The following ZMYM4 variants were observed in gnomAD, a reference collection of about 807,000 sequenced individuals.
ZMYM4 encodes zinc finger MYM-type containing 4.
In ZMYM4, 31 loss-of-function variants were observed where a neutral mutation model predicts 183.2. The ratio of observed to expected loss-of-function variants is 0.17; its 90% CI spans 0.13 to 0.23. ZMYM4 has a LOEUF of 0.23. Ranked by LOEUF, ZMYM4 falls within the 10% of genes least tolerant of loss-of-function variation. The pLI, the probability that ZMYM4 is intolerant of heterozygous loss-of-function variation, is 1.00. For synonymous variants in ZMYM4, 592 were observed against 631.2 expected (o/e 0.94, Z 0.93); for missense variants, 1,273 against 1,840.3 (o/e 0.69, Z 5.64).
intron 2 of ZMYM4, among the ~76,000 whole-genome samples, chr1:35,357,914 T>C (rs1643868868): frequency 6.6e-6 from 1 of 152,104 alleles, no homozygotes; most frequent in Admixed American, 6.6e-5. Flanking sequence ...AAGCTAACAT[T>C]GAAGCCATGT....
chr1:35,344,615 T>C (rs2148868395), intron 2 of ZMYM4, among the ~76,000 whole-genome samples: 1 of 152,262 alleles, frequency 6.6e-6, no homozygotes, highest in African/African-American at 2.4e-5. Context: ...TTTTTTCCTT[T>C]AATGTGTTAA....
At chr1:35,277,294 G>A (rs1238809647) in intron 1 of ZMYM4, among the ~76,000 whole-genome samples, 1 of 152,114 alleles carries the variant, frequency 6.6e-6, no homozygotes, top group Admixed American at 6.5e-5. Flanking sequence ...GATGAGTTTA[G>A]GTTCAGTTTC....
chr1:35,319,865 T>C lies in ZMYM4; in HGVS notation c.40-5495T>C, dbSNP rs149665013. Among the ~76,000 whole-genome samples, 366 of 152,316 alleles carry C rather than the reference T, an allele frequency of 2.4e-3. 2 individuals carry two copies. Among genetic ancestry groups the C allele is most frequent in the African/African-American group, 7.8e-3 (325 of 41,562 alleles). On this transcript the variant is annotated intron_variant, in intron 1 of 29. Transcript: ENST00000314607. The stretch of plus-strand genomic sequence containing the variant: ...ACTTCAGTGGAAACTTTGGGAGTTT[T>C]GGAAAATTTAAAGTACACTCTATGG...
At chr1:35,285,113 G>C (rs891818707) in intron 1 of ZMYM4, among the ~76,000 whole-genome samples, 9 of 152,014 alleles carry the variant, frequency 5.9e-5, no homozygotes, top group African/African-American at 2.2e-4. Flanking sequence ...TTAGGAAGTA[G>C]GAGTCCTCAA....
Position 35,385,554 on chromosome 1 carries a change from G to A in ZMYM4, c.1682G>A (p.Cys561Tyr). The change falls in exon 10 of 30, where the codon TGC becomes TAC. Residue 561 changes from cysteine (C) to tyrosine (Y), a missense_variant. Around this residue, in one of 6 missense-constraint regions of ZMYM4, gnomAD observed 319 missense variants for 518.1 expected, o/e 0.62. Coordinates refer to ENST00000314607, the MANE Select transcript of ZMYM4 (RefSeq NM_005095.3). ...GKTELFCSVN[C>Y]LSAYRVKMVT... is the part of the protein sequence containing the mutation. ...ACAGAGCTTTTCTGTTCTGTTAATTGCTTATCTGCTTACAGAGTTAAAATG... is the reference window on the plus strand; with the variant it reads ...ACAGAGCTTTTCTGTTCTGTTAATTACTTATCTGCTTACAGAGTTAAAATG... The A allele has an allele frequency of 6.2e-7, 1 of 1,611,634 alleles. No individual in the cohort carries two copies. The highest frequency in any genetic ancestry group is 8.5e-7 in the Non-Finnish European group (1 of 1,179,386).
chr1:35,373,829 G>A (rs112124558), intron 7 of ZMYM4, among the ~76,000 whole-genome samples: 21 of 151,786 alleles, frequency 1.4e-4, no homozygotes, highest in African/African-American at 5.1e-4. Flanking sequence ...GAGCCACCGC[G>A]CCCAGCCCAA....
At chr1:35,286,969 A>G (rs1640533579) in intron 1 of ZMYM4, among the ~76,000 whole-genome samples, 1 of 150,912 alleles carries the variant, frequency 6.6e-6, no homozygotes, top group Admixed American at 6.6e-5. Flanking sequence ...CTTTAGGAAC[A>G]CTGAAATGAT....
chr1:35,402,077 A>C (rs1644919537), intron 23 of ZMYM4, among the ~76,000 whole-genome samples: 1 of 150,026 alleles, frequency 6.7e-6, no homozygotes, highest in East Asian at 2.0e-4. Context: ...TGTCATTTGC[A>C]TGTCTATATA....
chr1:35,330,902 G>A (rs1365471116), intron 2 of ZMYM4, among the ~76,000 whole-genome samples: 1 of 152,168 alleles, frequency 6.6e-6, no homozygotes, highest in African/African-American at 2.4e-5. Context: ...ATGAAATAGT[G>A]GAGTAATTTA....
chr1:35,403,758 AT>A, intron 23 of ZMYM4, among the ~76,000 whole-genome samples: 1 of 152,146 alleles, frequency 6.6e-6, no homozygotes, highest in South Asian at 2.1e-4. Flanking sequence ...CTATGATAGA[AT>A]TTGTATAATT....
intron 1 of ZMYM4, among the ~76,000 whole-genome samples, chr1:35,321,381 A>G (rs1642275405): frequency 6.6e-6 from 1 of 152,236 alleles, no homozygotes; most frequent in South Asian, 2.1e-4. Flanking sequence ...CACTGTGCAC[A>G]GTGACCCAGA....
chr1:35,378,997 C>T (rs1644393730), intron 7 of ZMYM4, among the ~76,000 whole-genome samples: 1 of 152,182 alleles, frequency 6.6e-6, no homozygotes, highest in Non-Finnish European at 1.5e-5. Context: ...TAGGGCCTTG[C>T]TCTGGATTAG....
At chr1:35,390,401 T>G (rs1335091622) in intron 15 of ZMYM4, among the ~76,000 whole-genome samples, 1 of 150,994 alleles carries the variant, frequency 6.6e-6, no homozygotes, top group East Asian at 1.9e-4. Flanking sequence ...TTTATAAGAT[T>G]TGGGTAGGTA....
chr1:35,354,903 T>C (rs1003194884), intron 2 of ZMYM4, among the ~76,000 whole-genome samples: 5 of 152,004 alleles, frequency 3.3e-5, no homozygotes, highest in Admixed American at 3.3e-4. Flanking sequence ...AAGGGCCAGA[T>C]GGTAAATATT....
intron 5 of ZMYM4, among the ~76,000 whole-genome samples, chr1:35,365,239 CT>C (rs746304675): frequency 0.033 from 2,816 of 85,312 alleles, 58 homozygotes; most frequent in African/African-American, 0.1. Flanking sequence ...TAATCAAAGT[CT>C]TTTTTTTTTT....
chr1:35,285,200 ATT>A (rs1391499046), intron 1 of ZMYM4, among the ~76,000 whole-genome samples: 2 of 151,778 alleles, frequency 1.3e-5, no homozygotes, highest in African/African-American at 4.8e-5. Context: ...GTTTTTTCCT[ATT>A]TCTGAAAAAA....
intron 2 of ZMYM4, among the ~76,000 whole-genome samples, chr1:35,338,386 C>T (rs927806749): frequency 1.1e-4 from 16 of 152,072 alleles, no homozygotes; most frequent in African/African-American, 3.9e-4. Context: ...TGCAACCAAG[C>T]GTGGATAGAA....
At chr1:35,348,694 A>G (rs1239750454) in intron 2 of ZMYM4, among the ~76,000 whole-genome samples, 2 of 152,222 alleles carry the variant, frequency 1.3e-5, no homozygotes, top group Non-Finnish European at 2.9e-5. Context: ...GTTGAGGAGC[A>G]TCTAGTAGTT....
intron 2 of ZMYM4, among the ~76,000 whole-genome samples, chr1:35,357,570 G>A (rs879890475): frequency 6.6e-6 from 1 of 152,172 alleles, no homozygotes. Context: ...GGTGCTAAGT[G>A]GAAAAGATGG....
Sources: allele counts gnomAD v4.1 joint callset (sites outside exome capture counted in the v4.1 genomes callset), GRCh38; gene constraint gnomAD v4.1.1; regional missense constraint gnomAD v4.1.1; transcripts MANE v1.5; gene names NCBI Gene and HGNC (gene_info 2026-07-23, HGNC 2026-07-21).